Variants in PLCL1 observed in about 807,000 individuals in gnomAD.
PLCL1 encodes phospholipase C like 1 (inactive), also known as inactive phospholipase C-like protein 1.
Under a neutral mutation model 84.4 loss-of-function variants are expected in PLCL1, and 41 were observed. The ratio of observed to expected loss-of-function variants is 0.49; its 90% CI spans 0.38 to 0.63. The LOEUF (loss-of-function observed/expected upper bound fraction) is 0.63. PLCL1 is among the 30% of genes least tolerant of loss of function. The pLI, the probability that PLCL1 is intolerant of heterozygous loss-of-function variation, is 0.00. For synonymous variants in PLCL1, 490 were observed against 488.3 expected, an observed-to-expected ratio of 1.00 and a Z score of -0.05; for missense variants, 1,206 against 1,367.8, an observed-to-expected ratio of 0.88 and a Z score of 1.87.
chr2:197,911,347 T>A (rs957730520), intron 1 of PLCL1, among the ~76,000 whole-genome samples: 2 of 151,502 alleles, frequency 1.3e-5, no homozygotes, highest in Admixed American at 6.6e-5. Flanking sequence ...AAAAAATAAA[T>A]AAATAAATAA....
intron 1 of PLCL1, among the ~76,000 whole-genome samples, chr2:197,963,797 T>G (rs1689670984): frequency 6.6e-6 from 1 of 152,154 alleles, no homozygotes; most frequent in African/African-American, 2.4e-5. Flanking sequence ...TTCATTCTTC[T>G]GCATGTGGAT....
In PLCL1 at chr2:198,084,778, C is replaced by G. The variant is rs1254969634; in HGVS notation, c.1261C>G (p.Gln421Glu). 6 of 1,614,022 alleles carry G rather than the reference C, an allele frequency of 3.7e-6. No individual in the cohort carries two copies. The highest frequency in any genetic ancestry group is 4.2e-6 in the Non-Finnish European group (5 of 1,179,972). Residue 421 changes from glutamine (Q) to glutamate (E), a missense_variant, in exon 2 of 6, where the codon CAG (glutamine) becomes GAG (glutamate). Transcript: ENST00000428675. ...TCATAACACCTATCTAATAGAAGACCAGTTCAGGGGGCCAGCTGACATCAA... is the reference window on the plus strand; with the variant it reads ...TCATAACACCTATCTAATAGAAGACGAGTTCAGGGGGCCAGCTGACATCAA... Reference protein sequence around the residue: ...ASHNTYLIEDQFRGPADINGY... With the variant: ...ASHNTYLIEDEFRGPADINGY...
At chr2:197,845,558 A>AATTCG (rs1250980039) in intron 1 of PLCL1, among the ~76,000 whole-genome samples, 6 of 152,086 alleles carry the variant, frequency 3.9e-5, no homozygotes, top group Non-Finnish European at 7.4e-5. Context: ...TGGGAATTTG[A>AATTCG]ATTCGTATTC....
At chr2:198,054,498 C>T (rs765279667) in intron 1 of PLCL1, among the ~76,000 whole-genome samples, 2 of 152,202 alleles carry the variant, frequency 1.3e-5, no homozygotes, top group Non-Finnish European at 2.9e-5. Flanking sequence ...CCCCTGGTGG[C>T]TTGCTAAGCC....
At chr2:197,890,865 A>G (rs1256038979) in intron 1 of PLCL1, among the ~76,000 whole-genome samples, 1 of 134,542 alleles carries the variant, frequency 7.4e-6, no homozygotes, top group Non-Finnish European at 1.6e-5. Flanking sequence ...ATGTGTATAT[A>G]TACATATATG....
At chr2:197,931,557 G>T (rs563082169) in intron 1 of PLCL1, among the ~76,000 whole-genome samples, 8 of 152,088 alleles carry the variant, frequency 5.3e-5, no homozygotes, top group African/African-American at 1.7e-4. Flanking sequence ...TCTTGGTGGG[G>T]TTCCTGTCTT....
At chr2:197,929,808 T>C (rs1013386557) in intron 1 of PLCL1, among the ~76,000 whole-genome samples, 5 of 152,208 alleles carry the variant, frequency 3.3e-5, no homozygotes, top group Non-Finnish European at 7.3e-5. Flanking sequence ...TTCTCATTCG[T>C]TGACTTGCAT....
chr2:198,084,497 A>T lies in PLCL1; in HGVS notation c.980A>T (p.Lys327Ile), dbSNP rs1559098137. 1.9e-6 allele frequency: 3 copies of T among 1,614,090 alleles called. No homozygotes were observed. The highest frequency in any genetic ancestry group is 2.5e-6 in the Non-Finnish European group (3 of 1,179,964). Residue 327 changes from lysine (K) to isoleucine (I), a missense_variant, in exon 2 of 6, where the codon AAA (lysine) becomes ATA (isoleucine). Transcript: ENST00000428675. ...TTACTTGTACAGATATCTAAAAACA[A>T]AGAATATTTGGATGCCAATGATCTC... Reference protein sequence around the residue: ...YFLLVQISKNKEYLDANDLML... With the variant: ...YFLLVQISKNIEYLDANDLML...
At position 198,085,353 on chromosome 2, in the gene PLCL1, G is replaced by A; in HGVS notation, c.1836G>A (p.Met612Ile). 6.2e-7 allele frequency: 1 copy of A among 1,612,802 alleles called. No homozygotes were observed. Among genetic ancestry groups the A allele is most frequent in the African/African-American group, 1.3e-5 (1 of 75,002 alleles). ...TGAAAAGCCAAAACTATTGGGAAAT[G>A]TGTTCATTTAGTGAAACAGAGGCCA... is the stretch of plus-strand genomic sequence containing the variant. ...LSMKSQNYWE[M>I]CSFSETEASR... The change falls in exon 2 of 6, where the codon ATG (methionine) becomes ATA (isoleucine). Residue 612 changes from methionine to isoleucine, a missense_variant. Met to Ile is a conservative substitution (Grantham distance 10). Transcript: ENST00000428675. This position sits in a 1 kb window ranked among gnomAD's most constrained non-coding sequence, Gnocchi z 5.3.
chr2:197,893,431 G>T (rs1393440929), intron 1 of PLCL1, among the ~76,000 whole-genome samples: 1 of 152,164 alleles, frequency 6.6e-6, no homozygotes, highest in African/African-American at 2.4e-5. Context: ...TATACAGGGA[G>T]CATAATACAT....
chr2:198,053,743 G>A (rs1022558919), intron 1 of PLCL1, among the ~76,000 whole-genome samples: 4 of 152,220 alleles, frequency 2.6e-5, no homozygotes, highest in Non-Finnish European at 5.9e-5. Context: ...CCTGCCAAAG[G>A]AGAAAGAGAG....
In PLCL1 at chr2:198,126,944, G is replaced by A. The variant is rs953614337; in HGVS notation, c.3106-19836G>A. 6.6e-5 allele frequency among the ~76,000 whole-genome samples: 10 copies of A among 151,884 alleles called. No individual in the cohort carries two copies. In the South Asian group the frequency reaches 1.0e-3, roughly 16 times the overall value. ...ATAGAGCCATTTACTAAGCAGATTG[G>A]CAGGTGAGGGACGCTGGTTTTAGCT... On this transcript the variant is annotated intron_variant, in intron 5 of 5. Transcript: ENST00000428675.
intron 1 of PLCL1, among the ~76,000 whole-genome samples, chr2:197,875,514 G>A (rs1016909195): frequency 2.0e-5 from 3 of 151,932 alleles, no homozygotes; most frequent in Admixed American, 6.6e-5. Context: ...AGGTGCACTC[G>A]CTTTTAAAAA....
intron 1 of PLCL1, among the ~76,000 whole-genome samples, chr2:197,855,625 C>T (rs1574914525): frequency 6.6e-6 from 1 of 152,068 alleles, no homozygotes; most frequent in East Asian, 1.9e-4. Flanking sequence ...CCATGTCTTT[C>T]TATAATTCCA....
chr2:197,874,296 G>C (rs1391315284), intron 1 of PLCL1, among the ~76,000 whole-genome samples: 1 of 151,944 alleles, frequency 6.6e-6, no homozygotes, highest in Non-Finnish European at 1.5e-5. Flanking sequence ...GAAGGCTGAT[G>C]AAATTATCTT....
intron 1 of PLCL1, among the ~76,000 whole-genome samples, chr2:197,935,907 G>A (rs1000011285): frequency 1.3e-5 from 2 of 152,004 alleles, no homozygotes; most frequent in African/African-American, 2.4e-5. Flanking sequence ...TCCCACCTAT[G>A]CCAGTTCCCA....
intron 1 of PLCL1, among the ~76,000 whole-genome samples, chr2:198,075,039 C>T (rs1156613381): frequency 6.6e-6 from 1 of 152,134 alleles, no homozygotes; most frequent in Admixed American, 6.5e-5. Context: ...ATACATTTAG[C>T]TAGACTTCAT....
intron 1 of PLCL1, among the ~76,000 whole-genome samples, chr2:197,842,871 C>T (rs1687038145): frequency 6.6e-6 from 1 of 152,166 alleles, no homozygotes; most frequent in Admixed American, 6.6e-5. Context: ...ATTTCACATA[C>T]ATGCACAGAG....
chr2:197,958,610 C>A (rs1003817849), intron 1 of PLCL1, among the ~76,000 whole-genome samples: 2 of 152,054 alleles, frequency 1.3e-5, no homozygotes, highest in South Asian at 2.1e-4. Context: ...CAAGATGTGA[C>A]ACTCTGATGG....
Sources: gnomAD v4.1 joint callset for allele counts (sites outside exome capture counted in the v4.1 genomes callset) on GRCh38, gnomAD v4.1.1 for gene constraint, Gnocchi (gnomAD v3.1) non-coding constraint, MANE v1.5 for transcripts, NCBI Gene and HGNC (gene_info 2026-07-23, HGNC 2026-07-21) for gene names.